The following FRMPD4 variants were observed in gnomAD, a reference collection of about 807,000 sequenced individuals.
FRMPD4 encodes FERM and PDZ domain containing 4, also known as FERM and PDZ domain-containing protein 4.
Under a neutral mutation model 94.1 loss-of-function variants are expected in FRMPD4, and 22 were observed. The ratio of observed to expected loss-of-function variants is 0.23; its 90% CI spans 0.17 to 0.33. The LOEUF is 0.33. Ranked by LOEUF, FRMPD4 falls within the 10% of genes least tolerant of loss-of-function variation. FRMPD4 has a pLI of 1.00. For synonymous variants in FRMPD4, 631 were observed against 548.6 expected (o/e 1.15, Z -2.10); for missense variants, 1,111 against 1,339.9 (o/e 0.83, Z 2.67).
intron 3 of FRMPD4, among the ~76,000 whole-genome samples, chrX:11,946,167 C>T (rs1210394016): frequency 8.9e-6 from 1 of 111,973 alleles, no homozygotes; most frequent in Admixed American, 9.4e-5. Context: ...CTGAATCTAA[C>T]CCATGTGAGG....
At chrX:12,594,867 G>A (rs2059016542) in intron 2 of FRMPD4, among the ~76,000 whole-genome samples, 1 of 112,023 alleles carries the variant, frequency 8.9e-6, no homozygotes, top group Admixed American at 9.5e-5. Context: ...GTTCCGTAAT[G>A]TAATGGTTCA....
chrX:11,985,904 G>GT (rs1190267686), intron 3 of FRMPD4, among the ~76,000 whole-genome samples: 1 of 112,111 alleles, frequency 8.9e-6, no homozygotes, highest in East Asian at 2.8e-4. Context: ...GTTTTTTAAG[G>GT]TTTTTTACTC....
chrX:12,226,561 A>G (rs1009525029), intron 1 of FRMPD4, among the ~76,000 whole-genome samples: 1 of 111,374 alleles, frequency 9.0e-6, no homozygotes, highest in African/African-American at 3.3e-5. Context: ...GTAGCTTGCC[A>G]CAGTTTCATG....
intron 3 of FRMPD4, among the ~76,000 whole-genome samples, chrX:11,952,963 C>T (rs1179176422): frequency 1.8e-5 from 2 of 111,729 alleles, no homozygotes; most frequent in Non-Finnish European, 3.8e-5. Flanking sequence ...TCTATTTGCA[C>T]GTTAAAATTG....
intron 5 of FRMPD4, among the ~76,000 whole-genome samples, chrX:12,679,156 G>A (rs928841158): frequency 8.9e-5 from 10 of 111,907 alleles, no homozygotes; most frequent in Non-Finnish European, 5.6e-5. Context: ...TTGCCTGTGG[G>A]CTCTTCCTGG....
chrX:12,029,775 G>A (rs1398048563), intron 3 of FRMPD4, among the ~76,000 whole-genome samples: 1 of 110,966 alleles, frequency 9.0e-6, no homozygotes, highest in African/African-American at 3.3e-5. Flanking sequence ...ACTAATTAGG[G>A]GCTTTGATTA....
chrX:12,445,053 G>A (rs756467214), intron 1 of FRMPD4, among the ~76,000 whole-genome samples: 1 of 111,991 alleles, frequency 8.9e-6, no homozygotes, highest in Admixed American at 9.4e-5. Context: ...CCCTGTCTTA[G>A]AACTTGGTTT....
intron 1 of FRMPD4, among the ~76,000 whole-genome samples, chrX:12,369,392 G>T (rs5935313): frequency 0.19 from 20,647 of 110,173 alleles, 1,547 homozygotes; most frequent in Non-Finnish European, 0.24. Flanking sequence ...CTTTTTGTCT[G>T]AATTGATTTC....
chrX:12,501,199 TA>T (rs1203839831), intron 2 of FRMPD4, among the ~76,000 whole-genome samples: 2 of 112,589 alleles, frequency 1.8e-5, no homozygotes, highest in Non-Finnish European at 3.8e-5. Context: ...TGTTAAAACA[TA>T]AGAGCAAATC....
intron 3 of FRMPD4, among the ~76,000 whole-genome samples, chrX:11,963,292 C>T (rs563780740): frequency 3.6e-5 from 4 of 112,240 alleles, no homozygotes; most frequent in African/African-American, 9.7e-5. Flanking sequence ...AGGCTCCAAC[C>T]GATGTCTGCT....
chrX:11,873,253 G>GA (rs377349587), intron 2 of FRMPD4, among the ~76,000 whole-genome samples: 45 of 103,121 alleles, frequency 4.4e-4, no homozygotes, highest in East Asian at 1.8e-3. Flanking sequence ...GGAGTAGCAA[G>GA]AAAAAAAAAA....
At chrX:12,011,038 T>A (rs1266678977) in intron 3 of FRMPD4, among the ~76,000 whole-genome samples, 2 of 112,510 alleles carry the variant, frequency 1.8e-5, no homozygotes, top group East Asian at 5.6e-4. Flanking sequence ...CCATATATAG[T>A]CAGTTAAACA....
chrX:12,173,405 C>T (rs1234376192), intron 1 of FRMPD4, among the ~76,000 whole-genome samples: 2 of 112,184 alleles, frequency 1.8e-5, no homozygotes, highest in African/African-American at 6.5e-5. Flanking sequence ...CCAGGGATCA[C>T]CAGCTTTTCC....
intron 4 of FRMPD4, among the ~76,000 whole-genome samples, chrX:12,661,455 T>A (rs1188361728): frequency 8.9e-6 from 1 of 111,953 alleles, no homozygotes; most frequent in South Asian, 3.8e-4. Context: ...CCAAGTCCAA[T>A]GCTACTGGGC....
intron 1 of FRMPD4, among the ~76,000 whole-genome samples, chrX:12,348,589 G>GAA (rs35385075): frequency 0.056 from 3,716 of 66,024 alleles, 282 homozygotes; most frequent in African/African-American, 0.2. Flanking sequence ...ATGCTTCCAG[G>GAA]AAAAAAAAAA....
chrX:12,342,374 GTT>G (rs1352790577), intron 1 of FRMPD4, among the ~76,000 whole-genome samples: 1 of 112,060 alleles, frequency 8.9e-6, no homozygotes, highest in East Asian at 2.8e-4. Context: ...AAAAGGTGCT[GTT>G]TTAATCCTCC....
chrX:12,129,704 A>C (rs1013612956), intron 3 of FRMPD4, among the ~76,000 whole-genome samples: 4 of 111,691 alleles, frequency 3.6e-5, no homozygotes, highest in African/African-American at 9.8e-5. Flanking sequence ...TAAATTGGAA[A>C]TTAGGATACA....
intron 1 of FRMPD4, among the ~76,000 whole-genome samples, chrX:12,391,534 G>C (rs1290831020): frequency 8.9e-6 from 1 of 111,739 alleles, no homozygotes; most frequent in Non-Finnish European, 1.9e-5. Flanking sequence ...AGGCAGGAGA[G>C]CCTTTAGAAG....
At chrX:12,600,815 T>C (rs911040878) in intron 2 of FRMPD4, among the ~76,000 whole-genome samples, 2 of 112,267 alleles carry the variant, frequency 1.8e-5, no homozygotes, top group African/African-American at 6.5e-5. Flanking sequence ...TATCATAGGA[T>C]TCTAAGAATT....
Sources: gnomAD v4.1 joint callset for allele counts (sites outside exome capture counted in the v4.1 genomes callset) on GRCh38, gnomAD v4.1.1 for gene constraint, MANE v1.5 for transcripts, NCBI Gene and HGNC (gene_info 2026-07-23, HGNC 2026-07-21) for gene names.